The following RGS6 variants were observed in gnomAD, a reference collection of about 807,000 sequenced individuals.
RGS6 encodes the protein regulator of G protein signaling 6.
Under a neutral mutation model 78.5 loss-of-function variants are expected in RGS6, and 30 were observed. That is an observed-to-expected ratio of 0.38 (90% CI 0.29 to 0.52). The LOEUF (loss-of-function observed/expected upper bound fraction) is 0.52, where lower values mean the gene tolerates loss of function less well. Among genes scored for constraint, RGS6 ranks in the 20% least tolerant of loss-of-function variants. RGS6 has a pLI of 0.85. For synonymous variants in RGS6, 206 were observed against 206.0 expected, an observed-to-expected ratio of 1.00 and a Z score of 0.00; for missense variants, 495 against 609.7, an observed-to-expected ratio of 0.81 and a Z score of 1.98.
At chr14:72,084,522 A>G (rs912262501) in intron 2 of RGS6, among the ~76,000 whole-genome samples, 1 of 152,210 alleles carries the variant, frequency 6.6e-6, no homozygotes, top group Non-Finnish European at 1.5e-5. Context: ...TCATTTGTAA[A>G]ATAAAGAAAT....
At chr14:72,162,576 T>C (rs1455795675) in intron 2 of RGS6, among the ~76,000 whole-genome samples, 2 of 152,204 alleles carry the variant, frequency 1.3e-5, no homozygotes, top group South Asian at 4.1e-4. Flanking sequence ...CGATGTCTCA[T>C]GTTATTGAGC....
At chr14:72,090,088 G>A (rs868549144) in intron 2 of RGS6, among the ~76,000 whole-genome samples, 5 of 147,344 alleles carry the variant, frequency 3.4e-5, no homozygotes, top group Admixed American at 6.8e-5. Context: ...ACTCCAGCCC[G>A]GGTGACAGAG....
chr14:72,487,722 T>A (rs1196152576), intron 12 of RGS6, among the ~76,000 whole-genome samples: 3 of 152,198 alleles, frequency 2.0e-5, no homozygotes, highest in African/African-American at 7.2e-5. Flanking sequence ...AGAAGGAACA[T>A]CGCCCTGCTG....
At chr14:72,388,297 T>A (rs1439686505) in intron 3 of RGS6, among the ~76,000 whole-genome samples, 1 of 152,188 alleles carries the variant, frequency 6.6e-6, no homozygotes, top group Admixed American at 6.5e-5. Context: ...TGTGTGTGCA[T>A]ATTTCAAACA....
chr14:72,566,575 A>G (rs1284322103), downstream of RGS6: 1 of 149,980 alleles, frequency 6.7e-6, no homozygotes, highest in South Asian at 2.2e-4. Flanking sequence ...GTTGGGCAGG[A>G]TGTACCTCTA....
chr14:72,033,747 CTG>C (rs1454910197), intron 2 of RGS6, among the ~76,000 whole-genome samples: 2 of 152,034 alleles, frequency 1.3e-5, no homozygotes, highest in Non-Finnish European at 2.9e-5. Flanking sequence ...TGAGGACTGT[CTG>C]TATATCTAAG....
intron 2 of RGS6, among the ~76,000 whole-genome samples, chr14:72,184,563 A>G (rs775663737): frequency 1.3e-5 from 2 of 152,184 alleles, no homozygotes; most frequent in African/African-American, 4.8e-5. Context: ...CAAGTAAACT[A>G]TGACTGTTTT....
At chr14:71,995,312 T>A (rs973604305) in intron 2 of RGS6, among the ~76,000 whole-genome samples, 8 of 152,230 alleles carry the variant, frequency 5.3e-5, no homozygotes, top group African/African-American at 1.9e-4. Flanking sequence ...ATGGCTATAA[T>A]TGGCCAGATG....
In RGS6 at chr14:72,478,278, T is replaced by A; in HGVS notation, c.803T>A (p.Leu268Ter). ...TCTCTATTTTCCCAGATAACATTTT[T>A]GAACGCACAGATCGACAGACATTGT... ...KEDIRKQITFLNAQIDRHCLK... is the reference protein window; with the variant it reads ...KEDIRKQITF The change falls in exon 12 of 18, where the codon TTG becomes TAG. Residue 268 changes from leucine (L) to a stop codon, truncating the protein, a stop_gained. Coordinates refer to ENST00000553525, the MANE Select transcript of RGS6 (RefSeq NM_001204424.2). LOFTEE classifies it high-confidence loss of function. 1 of 1,612,888 alleles carries A rather than the reference T, an allele frequency of 6.2e-7. No individual in the cohort carries two copies.
intron 1 of RGS6, among the ~76,000 whole-genome samples, chr14:71,936,348 G>T (rs753444333): frequency 1.3e-5 from 2 of 151,854 alleles, no homozygotes; most frequent in African/African-American, 2.4e-5. Flanking sequence ...CTTTATATTC[G>T]CTGGAAGCTG....
chr14:72,265,938 T>TTG lies in RGS6; in HGVS notation c.85-86157_85-86156insTG, dbSNP rs369380532. Among the ~76,000 whole-genome samples, 451 of 130,824 alleles carry TTG rather than the reference T, an allele frequency of 3.4e-3. 9 individuals are homozygous for TTG. Among genetic ancestry groups the TTG allele is most frequent in the East Asian group, 0.029 (126 of 4,406 alleles). The allele number at this position is 130,824 out of a possible 152,430, so 85.8% of individuals were successfully genotyped here. A position where few individuals can be genotyped will look rare whatever the true frequency, so the allele number is the denominator to read the frequency against. On this transcript the variant is annotated intron_variant, in intron 2 of 17. Coordinates refer to ENST00000553525, the MANE Select transcript of RGS6 (RefSeq NM_001204424.2). The stretch of plus-strand genomic sequence containing the variant: ...CTAACTATCAGTCCTATCGCTTTTT[T>TTG]GGGGGGGGGGGCGGGAGGCAGGTGG...
rs2100134886 is a variant in RGS6 at position 71,936,015 on chromosome 14, G to GATATATATATATATATGTAT, written c.-21+3090_-21+3091insGTATATATATATATATATAT. Among the ~76,000 whole-genome samples the GATATATATATATATATGTAT allele has an allele frequency of 4.7e-5, 3 of 63,800 alleles. 1 individual carries two copies. Among genetic ancestry groups the GATATATATATATATATGTAT allele is most frequent in the African/African-American group, 1.6e-4 (3 of 19,106 alleles). The allele number at this position is 63,800 out of a possible 152,430, so 41.9% of individuals were successfully genotyped here. On this transcript the variant is annotated intron_variant, in intron 1 of 17. Transcript: ENST00000553525. ...TCTCTTAGAGGGACAGAACTAATAG[G>GATATATATATATATATGTAT]ATATATATATATATATATATATATA...
chr14:72,237,705 T>G (rs944742012), intron 2 of RGS6, among the ~76,000 whole-genome samples: 4 of 152,090 alleles, frequency 2.6e-5, no homozygotes, highest in African/African-American at 7.2e-5. Flanking sequence ...GGCCCACTTA[T>G]TTGACTGCCA....
At chr14:72,070,449 T>A (rs1427948880) in intron 2 of RGS6, among the ~76,000 whole-genome samples, 4 of 152,198 alleles carry the variant, frequency 2.6e-5, no homozygotes, top group African/African-American at 7.2e-5. Context: ...CAGGTTTGAT[T>A]TTTTTCTTCT....
chr14:72,462,922 C>T (rs983961242), intron 6 of RGS6, among the ~76,000 whole-genome samples: 3 of 152,038 alleles, frequency 2.0e-5, no homozygotes, highest in Admixed American at 1.3e-4. Context: ...TTATAGGTTC[C>T]CTAGTTTAGG....
chr14:72,543,990 A>G (rs966185405), intron 17 of RGS6, among the ~76,000 whole-genome samples: 1 of 152,074 alleles, frequency 6.6e-6, no homozygotes, highest in Non-Finnish European at 1.5e-5. Context: ...CCTGCCTCCC[A>G]AAGTGCTGGG....
At chr14:71,897,962 T>C in the RGS6 span, among the ~76,000 whole-genome samples, 129 of 152,300 alleles carry the variant, frequency 8.5e-4, 1 homozygote, top group African/African-American at 2.9e-3. Context: ...TGAGGCTTTA[T>C]TTTTTATTTT....
chr14:72,082,734 GAAA>G (rs993555586), intron 2 of RGS6, among the ~76,000 whole-genome samples: 1 of 152,108 alleles, frequency 6.6e-6, no homozygotes, highest in Non-Finnish European at 1.5e-5. Context: ...CAAATGATGG[GAAA>G]AAAACCGGAA....
chr14:72,331,996 G>A (rs149187441), intron 2 of RGS6, among the ~76,000 whole-genome samples: 2 of 152,282 alleles, frequency 1.3e-5, no homozygotes, highest in South Asian at 4.1e-4. Context: ...CTGTTAGCCC[G>A]CATTAGACAG....
Sources: allele counts gnomAD v4.1 joint callset (sites outside exome capture counted in the v4.1 genomes callset), GRCh38; gene constraint gnomAD v4.1.1; transcripts MANE v1.5; gene names NCBI Gene and HGNC (gene_info 2026-07-23, HGNC 2026-07-21).